SKAP2: variants seen among roughly 807,000 people sequenced by gnomAD.
SKAP2 encodes the protein src kinase-associated phosphoprotein 2.
SKAP2 carries 28 observed loss-of-function variants against 54.9 expected under a neutral mutation model. The observed-to-expected ratio is 0.51, with a 90% CI of 0.38 to 0.70. The LOEUF is 0.70. SKAP2 is among the 30% of genes least tolerant of loss of function. The probability of loss-of-function intolerance (pLI) is 0.00; values close to 1 mark genes in which losing one functional copy is unlikely to be tolerated. For missense variants in SKAP2, 356 were observed against 424.1 expected, an observed-to-expected ratio of 0.84 and a Z score of 1.41; for synonymous variants, 137 against 134.3, an observed-to-expected ratio of 1.02 and a Z score of -0.14.
the SKAP2 span, among the ~76,000 whole-genome samples, chr7:26,654,943 G>A: frequency 6.6e-6 from 1 of 152,146 alleles, no homozygotes; most frequent in Non-Finnish European, 1.5e-5. Context: ...GTGATCCAGG[G>A]ACCCGTTGGT....
At chr7:26,770,949 A>G (rs1783176637) in intron 4 of SKAP2, among the ~76,000 whole-genome samples, 7 of 150,252 alleles carry the variant, frequency 4.7e-5, no homozygotes, top group Admixed American at 4.7e-4. Flanking sequence ...CATGTCTGAG[A>G]AAAAAAAAAC....
Position 26,727,014 on chromosome 7 carries a change from A to G in SKAP2, c.470-8T>C. 1 of 1,581,196 alleles carries G rather than the reference A, an allele frequency of 6.3e-7. No homozygotes were observed. The highest frequency in any genetic ancestry group is 1.2e-5 in the South Asian group (1 of 85,364). On this transcript the variant is annotated splice_polypyrimidine_tract_variant and splice_region_variant and intron_variant, in intron 6 of 12. Transcript: ENST00000345317. ...CACCTTTCTGTTGTTTGTCTGTTGAAGATAAAACCAGTTAGAATTTCATTT... is the reference window on the plus strand; with the variant it reads ...CACCTTTCTGTTGTTTGTCTGTTGAGGATAAAACCAGTTAGAATTTCATTT...
chr7:26,723,792 T>C (rs1787634272), intron 9 of SKAP2, among the ~76,000 whole-genome samples: 1 of 152,130 alleles, frequency 6.6e-6, no homozygotes, highest in African/African-American at 2.4e-5. Context: ...ATGTAACACA[T>C]TCATTGCAGG....
intron 4 of SKAP2, among the ~76,000 whole-genome samples, chr7:26,817,539 T>C (rs1417463121): frequency 6.6e-6 from 1 of 152,156 alleles, no homozygotes; most frequent in African/African-American, 2.4e-5. Flanking sequence ...AGGATTAGAA[T>C]TCCAGTTGAT....
rs113835071 is a variant in SKAP2 at position 26,693,315 on chromosome 7, A to T, written c.797-2953T>A. Among the ~76,000 whole-genome samples, 264 of 141,892 alleles carry T rather than the reference A, an allele frequency of 1.9e-3. 1 individual carries two copies. The highest frequency in any genetic ancestry group is 6.7e-3 in the African/African-American group (250 of 37,430). The allele number at this position is 141,892 out of a possible 152,430, so 93.1% of individuals were successfully genotyped here. Reference sequence around the variant, plus strand: ...CCACTGCACTCCAGTCTGGGCGACAAGAGTGAAGCTCCATCTCAAAAAAAA... The same window carrying T: ...CCACTGCACTCCAGTCTGGGCGACATGAGTGAAGCTCCATCTCAAAAAAAA... On this transcript the variant is annotated intron_variant, in intron 9 of 12. Transcript: ENST00000345317.
chr7:26,731,984 G>A (rs928381963), intron 6 of SKAP2, among the ~76,000 whole-genome samples: 1 of 152,066 alleles, frequency 6.6e-6, no homozygotes, highest in African/African-American at 2.4e-5. Context: ...CATAAATATT[G>A]CAACCAAATA....
chr7:26,777,678 T>C (rs1211507315), intron 4 of SKAP2, among the ~76,000 whole-genome samples: 2 of 152,112 alleles, frequency 1.3e-5, no homozygotes, highest in African/African-American at 4.8e-5. Context: ...CTCCTTGTTT[T>C]ACATACATAA....
At chr7:26,788,726 C>T (rs1324682788) in intron 4 of SKAP2, among the ~76,000 whole-genome samples, 5 of 152,068 alleles carry the variant, frequency 3.3e-5, no homozygotes, top group Admixed American at 2.6e-4. Flanking sequence ...AAATTCTATT[C>T]ATGTAAATTT....
At chr7:26,841,714 G>A (rs1033881936) in intron 4 of SKAP2, among the ~76,000 whole-genome samples, 2 of 152,018 alleles carry the variant, frequency 1.3e-5, no homozygotes, top group African/African-American at 4.8e-5. Context: ...GACTTAGAAT[G>A]CACATAGAGA....
intron 11 of SKAP2, among the ~76,000 whole-genome samples, chr7:26,675,074 A>T (rs1468162367): frequency 6.6e-6 from 1 of 152,108 alleles, no homozygotes; most frequent in Non-Finnish European, 1.5e-5. Context: ...TGGCACCACT[A>T]ATTCAGGCCT....
At chr7:26,726,523 T>C (rs1182556248) in intron 7 of SKAP2, among the ~76,000 whole-genome samples, 3 of 152,144 alleles carry the variant, frequency 2.0e-5, no homozygotes, top group Non-Finnish European at 4.4e-5. Flanking sequence ...ATATGTATTA[T>C]CACTCTGATA....
chr7:26,815,303 G>C (rs1406075091), intron 4 of SKAP2, among the ~76,000 whole-genome samples: 1 of 152,032 alleles, frequency 6.6e-6, no homozygotes, highest in Non-Finnish European at 1.5e-5. Context: ...AATCTCTCTT[G>C]AAAGGGAGAG....
chr7:26,712,075 A>G lies in SKAP2; in HGVS notation c.796+13353T>C, dbSNP rs189421518. The stretch of plus-strand genomic sequence containing the variant: ...CAATTGATACCGTTAGTAGAAATAG[A>G]AAAGAAAGGAGGTAGAGCAGTATAG... On this transcript the variant is annotated intron_variant, in intron 9 of 12. Transcript: ENST00000345317. Among the ~76,000 whole-genome samples, 5 of 152,290 alleles carry G rather than the reference A, an allele frequency of 3.3e-5. No homozygotes were observed. In the East Asian group the frequency reaches 9.6e-4, roughly 29 times the overall value.
intron 4 of SKAP2, among the ~76,000 whole-genome samples, chr7:26,756,628 C>T (rs1478813889): frequency 3.3e-5 from 5 of 152,210 alleles, no homozygotes; most frequent in African/African-American, 9.6e-5. Flanking sequence ...TGAGTAGTGC[C>T]GCAATAAACA....
At chr7:26,733,441 T>C (rs1312507813) in intron 6 of SKAP2, among the ~76,000 whole-genome samples, 2 of 151,982 alleles carry the variant, frequency 1.3e-5, no homozygotes, top group Non-Finnish European at 2.9e-5. Flanking sequence ...TAAGCTTTTA[T>C]GGCTTTCTAT....
intron 4 of SKAP2, among the ~76,000 whole-genome samples, chr7:26,824,067 C>T (rs6962833): frequency 0.017 from 2,567 of 152,052 alleles, 85 homozygotes; most frequent in African/African-American, 0.057. Flanking sequence ...AACAACATTA[C>T]ATGCCAGAGG....
chr7:26,820,580 G>A (rs1257449369), intron 4 of SKAP2, among the ~76,000 whole-genome samples: 4 of 152,040 alleles, frequency 2.6e-5, no homozygotes, highest in Non-Finnish European at 5.9e-5. Flanking sequence ...CAGACAGGAA[G>A]CTAAATACGA....
intron 6 of SKAP2, among the ~76,000 whole-genome samples, chr7:26,732,848 GTC>G (rs756491890): frequency 2.6e-5 from 4 of 152,160 alleles, no homozygotes; most frequent in Non-Finnish European, 5.9e-5. Context: ...AACATTCGTG[GTC>G]ATCAGACCCT....
intron 3 of SKAP2, among the ~76,000 whole-genome samples, chr7:26,845,248 T>C (rs1484363002): frequency 6.6e-6 from 1 of 152,200 alleles, no homozygotes; most frequent in Non-Finnish European, 1.5e-5. Context: ...AGGGTATCTT[T>C]GTCCTCTGAC....
Sources: gnomAD v4.1 joint callset for allele counts (sites outside exome capture counted in the v4.1 genomes callset) on GRCh38, gnomAD v4.1.1 for gene constraint, MANE v1.5 for transcripts, NCBI Gene and HGNC (gene_info 2026-07-23, HGNC 2026-07-21) for gene names.